The following WDR35 variants were observed in gnomAD, a reference collection of about 807,000 sequenced individuals.
WDR35 encodes WD repeat domain 35, also known as WD repeat-containing protein 35.
In WDR35, 118 loss-of-function variants were observed where a neutral mutation model predicts 158.3. That is an observed-to-expected ratio of 0.75 (90% CI 0.64 to 0.87). The LOEUF (loss-of-function observed/expected upper bound fraction) is 0.87. Ranked by LOEUF, WDR35 falls within the 40% of genes least tolerant of loss-of-function variation. The pLI, the probability that WDR35 is intolerant of heterozygous loss-of-function variation, is 0.00. For missense variants in WDR35, 1,263 were observed against 1,405.8 expected, an observed-to-expected ratio of 0.90 and a Z score of 1.62; for synonymous variants, 448 against 476.1, an observed-to-expected ratio of 0.94 and a Z score of 0.77.
intron 1 of WDR35, 42 bp from the exon 2 acceptor site, chr2:19,989,324 G>A (rs1391465040): frequency 3.2e-6 from 5 of 1,548,266 alleles, no homozygotes; most frequent in East Asian, 2.2e-5. Flanking sequence ...TTTTCACGAA[G>A]GAGCTGGGAA....
chr2:19,967,046 C>T (rs1671877337), intron 9 of WDR35, 137 bp from the exon 10 acceptor site: 1 of 790,514 alleles, frequency 1.3e-6, no homozygotes. Context: ...AAAATATATT[C>T]TTCAGAAATA....
At chr2:19,982,434 C>T (rs780450545) in intron 3 of WDR35, 29 bp downstream of exon 3, 2 of 1,607,282 alleles carry the variant, frequency 1.2e-6, no homozygotes, top group Admixed American at 1.7e-5. Context: ...ACCACTCAAA[C>T]ATGACTTAAA....
At chr2:19,936,399 T>C in intron 19 of WDR35, 34 bp from the exon 20 acceptor site, 1 of 1,613,516 alleles carries the variant, frequency 6.2e-7, no homozygotes, top group Middle Eastern at 1.7e-4. Flanking sequence ...TTCATTCATC[T>C]ATTTGACAAA....
At chr2:19,950,383 T>G (rs1294371674) in intron 13 of WDR35, among the ~76,000 whole-genome samples, 1 of 152,132 alleles carries the variant, frequency 6.6e-6, no homozygotes, top group African/African-American at 2.4e-5. Context: ...GAAGTGCAGA[T>G]GGAATGAACA....
intron 6 of WDR35, among the ~76,000 whole-genome samples, chr2:19,974,834 G>C (rs1293704200): frequency 6.6e-6 from 1 of 151,960 alleles, no homozygotes; most frequent in Non-Finnish European, 1.5e-5. Context: ...TAAAAAATGA[G>C]GATTAAAAAA....
chr2:19,951,447 C>T lies in WDR35; in HGVS notation c.1438G>A (p.Asp480Asn). 6.2e-7 allele frequency: 1 copy of T among 1,611,522 alleles called. No homozygotes were observed. Among genetic ancestry groups the T allele is most frequent in the Non-Finnish European group, 8.5e-7 (1 of 1,178,646 alleles). The change falls in exon 13 of 27, where the codon GAT becomes AAT. Residue 480 changes from aspartate (D) to asparagine (N), a missense_variant. Coordinates refer to ENST00000281405, the MANE Select transcript of WDR35 (RefSeq NM_020779.4). ...HVDDTPSGSM[D>N]GVLDYSKTIQ... ...GTTTTACTATAATCAAGCACACCAT[C>T]CATTGATCCAGAAGGGGTATCATCA...
chr2:19,917,171 TAACA>T (rs1558319882), intron 25 of WDR35, among the ~76,000 whole-genome samples: 1 of 152,050 alleles, frequency 6.6e-6, no homozygotes, highest in East Asian at 1.9e-4. Flanking sequence ...GAAGGAAAAC[TAACA>T]AACAGAAAGG....
rs181584820 is a variant in WDR35 at position 19,982,333 on chromosome 2, G to A, written c.214+130C>T. On this transcript the variant is annotated intron_variant, in intron 3 of 26. Coordinates refer to ENST00000281405, the MANE Select transcript of WDR35 (RefSeq NM_020779.4). ...GGGTTTATTGGAACATATCCCCATCGTAACTCAAAGAGCATCTGTACTGTA... is the reference window on the plus strand; with the variant it reads ...GGGTTTATTGGAACATATCCCCATCATAACTCAAAGAGCATCTGTACTGTA... 1,318 of 896,542 alleles carry A rather than the reference G, an allele frequency of 1.5e-3. 26 individuals are homozygous for A. In the Admixed American group the frequency reaches 0.028, roughly 19 times the overall value. The allele number at this position is 896,542 out of a possible 1,614,324, so 55.5% of individuals were successfully genotyped here.
intron 12 of WDR35, 61 bp from the exon 13 acceptor site, chr2:19,951,545 T>C: frequency 7.5e-7 from 1 of 1,330,416 alleles, no homozygotes. Context: ...TTTCATAATC[T>C]CTAGAATAAA....
rs770686124 is a variant in WDR35, at chr2:19,982,502, T to C, written c.175A>G (p.Ser59Gly). The change falls in exon 3 of 27, where the codon AGT becomes GGT. Residue 59 changes from serine to glycine, a missense_variant. Transcript: ENST00000281405. ...AGAGTCTGATTCATAGAAAGGTTAC[T>C]GGGGGCTGCAAGGCCCCTCAATTTT... ...DAKLRGLAAP[S>G]NLSMNQTLEG... 2 of 1,613,936 alleles carry C rather than the reference T, an allele frequency of 1.2e-6. No individual in the cohort carries two copies. The highest frequency in any genetic ancestry group is 1.7e-5 in the Admixed American group (1 of 59,998).
chr2:19,945,636 C>A, intron 16 of WDR35, 150 bp downstream of exon 16: 2 of 828,894 alleles, frequency 2.4e-6, no homozygotes, highest in Non-Finnish European at 3.8e-6. Context: ...TTAAAATCCA[C>A]AGAAATGTTC....
intron 10 of WDR35, chr2:19,962,375 T>A: frequency 6.2e-7 from 1 of 1,602,348 alleles, no homozygotes; most frequent in Non-Finnish European, 8.5e-7. Context: ...AAAATTCAGT[T>A]AACTCAAAAA....
In WDR35 at chr2:19,931,319, C is replaced by T. The variant is rs772270132; in HGVS notation, c.2914G>A (p.Glu972Lys). 20 of 1,612,694 alleles carry T rather than the reference C, an allele frequency of 1.2e-5. No individual in the cohort carries two copies. The highest frequency in any genetic ancestry group is 1.6e-5 in the Non-Finnish European group (19 of 1,179,634). The change falls in exon 24 of 27, where the codon GAA (glutamate) becomes AAA (lysine). Residue 972 changes from glutamate (E) to lysine (K), a missense_variant. By Grantham distance (56) the Glu-to-Lys change is moderately conservative. Transcript: ENST00000281405. The part of the protein sequence containing the change: ...LSALLIEQYH[E>K]QMKNAQRGKV... The stretch of plus-strand genomic sequence containing the variant: ...CCTCGCTGGGCATTCTTCATCTGTT[C>T]ATGGTATTGCTCTATAAGTAAGGCT...
intron 14 of WDR35, 44 bp from the exon 15 acceptor site, chr2:19,946,614 ATAATAT>A: frequency 2.6e-6 from 4 of 1,541,426 alleles, no homozygotes; most frequent in Non-Finnish European, 3.6e-6. Context: ...GTGTATCATA[ATAATAT>A]TAAACTACAA....
intron 10 of WDR35, among the ~76,000 whole-genome samples, chr2:19,965,137 G>A (rs920908456): frequency 3.3e-5 from 5 of 152,284 alleles, no homozygotes; most frequent in East Asian, 1.9e-4. Context: ...TAGCCAGGCC[G>A]ATCTCGAACT....
chr2:19,924,521 G>A (rs946789603), intron 25 of WDR35, among the ~76,000 whole-genome samples: 58 of 152,266 alleles, frequency 3.8e-4, no homozygotes, highest in Admixed American at 1.8e-3. Context: ...CCGAGATCGC[G>A]CCACTGCACT....
chr2:19,953,024 T>C (rs1671297761), intron 12 of WDR35, among the ~76,000 whole-genome samples: 1 of 152,010 alleles, frequency 6.6e-6, no homozygotes, highest in African/African-American at 2.4e-5. Flanking sequence ...GGGAGGATAA[T>C]GATTTGAAAA....
intron 17 of WDR35, among the ~76,000 whole-genome samples, chr2:19,940,606 C>G (rs554317098): frequency 6.6e-6 from 1 of 152,234 alleles, no homozygotes; most frequent in African/African-American, 2.4e-5. Flanking sequence ...TGGCTGCTGA[C>G]AGCTTTTAAA....
In WDR35 at chr2:19,973,760, G is replaced by A. The variant is rs752939119; in HGVS notation, c.737-52C>T. 1.0e-4 allele frequency: 163 copies of A among 1,572,014 alleles called. No homozygotes were observed. In the Middle Eastern group the frequency reaches 1.4e-3, roughly 14 times the overall value. On this transcript the variant is annotated intron_variant, in intron 7 of 26. Coordinates refer to ENST00000281405, the MANE Select transcript of WDR35 (RefSeq NM_020779.4). ...ACTGTGGGAAAATACGTAGCCTAGAGAACTTTATAATCTTAAGAACAACTT... is the reference window on the plus strand; with the variant it reads ...ACTGTGGGAAAATACGTAGCCTAGAAAACTTTATAATCTTAAGAACAACTT...
Sources: allele counts gnomAD v4.1 joint callset (sites outside exome capture counted in the v4.1 genomes callset), GRCh38; gene constraint gnomAD v4.1.1; transcripts MANE v1.5; gene names NCBI Gene and HGNC (gene_info 2026-07-23, HGNC 2026-07-21).